Variants in WSCD2 observed in about 807,000 individuals in gnomAD.
WSCD2 encodes sialate:O-sulfotransferase 2.
WSCD2 carries 28 observed loss-of-function variants against 55.7 expected under a neutral mutation model. That is an observed-to-expected ratio of 0.50 (90% CI 0.37 to 0.69). WSCD2 has a LOEUF of 0.69. WSCD2 is among the 30% of genes least tolerant of loss of function. The probability of loss-of-function intolerance (pLI) is 0.00; values close to 1 mark genes in which losing one functional copy is unlikely to be tolerated. For missense variants in WSCD2, 616 were observed against 762.1 expected, an observed-to-expected ratio of 0.81 and a Z score of 2.26; for synonymous variants, 301 against 301.9, an observed-to-expected ratio of 1.00 and a Z score of 0.03.
chr12:108,172,243 G>T (rs1450865172), intron 1 of WSCD2, among the ~76,000 whole-genome samples: 1 of 152,202 alleles, frequency 6.6e-6, no homozygotes, highest in East Asian at 1.9e-4. Flanking sequence ...ACTAGGTCCT[G>T]CCAGGGTCTG....
chr12:108,220,730 G>T (rs562618685), intron 4 of WSCD2, among the ~76,000 whole-genome samples: 1 of 152,116 alleles, frequency 6.6e-6, no homozygotes, highest in Non-Finnish European at 1.5e-5. Context: ...TAGAGATAGG[G>T]TCTTGCTGTG....
chr12:108,178,841 A>G (rs1202579344), intron 1 of WSCD2, among the ~76,000 whole-genome samples: 1 of 152,194 alleles, frequency 6.6e-6, no homozygotes, highest in South Asian at 2.1e-4. Context: ...TAATTTGGGG[A>G]GACATAATTC....
At chr12:108,172,214 C>T (rs1433985133) in intron 1 of WSCD2, among the ~76,000 whole-genome samples, 1 of 152,172 alleles carries the variant, frequency 6.6e-6, no homozygotes, top group East Asian at 1.9e-4. Flanking sequence ...TTCAAGGTCA[C>T]ACAGCAAGTA....
chr12:108,149,086 G>C (rs1269628490), intron 1 of WSCD2, among the ~76,000 whole-genome samples: 1 of 152,158 alleles, frequency 6.6e-6, no homozygotes, highest in African/African-American at 2.4e-5. Context: ...ATTATGGAAG[G>C]CTTCACTTTA....
At chr12:108,150,779 G>C (rs1877913930) in intron 1 of WSCD2, among the ~76,000 whole-genome samples, 1 of 152,184 alleles carries the variant, frequency 6.6e-6, no homozygotes, top group African/African-American at 2.4e-5. Context: ...CAGGTGCCAA[G>C]CCCAGTGGGG....
chr12:108,248,539 T>G lies in WSCD2; in HGVS notation c.*196T>G, dbSNP rs572234588. 1.8e-4 allele frequency: 257 copies of G among 1,401,438 alleles called. No homozygotes were observed. In the African/African-American group the frequency reaches 3.2e-3, roughly 18 times the overall value. 86.8% of individuals were successfully genotyped at this position (1,401,438 alleles called of 1,614,324 possible). A position where few individuals can be genotyped will look rare whatever the true frequency, so the allele number is the denominator to read the frequency against. Reference sequence around the variant, plus strand: ...AGAGATTGCCCAGGCACTACCACTCTGCTCACATGTTCCCCCCTTGGCAAT... The same window carrying G: ...AGAGATTGCCCAGGCACTACCACTCGGCTCACATGTTCCCCCCTTGGCAAT... On this transcript the variant is annotated 3_prime_UTR_variant, in exon 9 of 9. Coordinates refer to ENST00000547525, the MANE Select transcript of WSCD2 (RefSeq NM_014653.4). This position sits in a 1 kb window ranked among gnomAD's most constrained non-coding sequence, Gnocchi z 4.3.
At chr12:108,244,014 G>T (rs1443531841) in intron 8 of WSCD2, among the ~76,000 whole-genome samples, 1 of 152,150 alleles carries the variant, frequency 6.6e-6, no homozygotes, top group Non-Finnish European at 1.5e-5. Context: ...GAATTGTCCT[G>T]GATCTGTTTA....
At chr12:108,215,555 C>A (rs572135140) in intron 4 of WSCD2, among the ~76,000 whole-genome samples, 1 of 152,276 alleles carries the variant, frequency 6.6e-6, no homozygotes, top group South Asian at 2.1e-4. Context: ...TTGGTAATGT[C>A]TAAAAATAGC....
chr12:108,150,645 G>A (rs1210222201), intron 1 of WSCD2, among the ~76,000 whole-genome samples: 1 of 152,134 alleles, frequency 6.6e-6, no homozygotes, highest in Non-Finnish European at 1.5e-5. Context: ...CAGGAGAGAG[G>A]CAGGCAGGAC....
At position 108,185,062 on chromosome 12, in the gene WSCD2, T is replaced by G. The variant is rs527543373; in HGVS notation, c.-551-10220T>G. 5.0e-4 allele frequency among the ~76,000 whole-genome samples: 76 copies of G among 152,272 alleles called. 1 individual carries two copies. The highest frequency in any genetic ancestry group is 1.5e-3 in the African/African-American group (63 of 41,560). ...TGAAAATTAAGGGTCAGCAAATACT[T>G]TCTGTAAAAGGCTAGAAGGTAAATA... On this transcript the variant is annotated intron_variant, in intron 1 of 8. Transcript: ENST00000547525.
At position 108,248,174 on chromosome 12, in the gene WSCD2, T is replaced by C. The variant is rs753254535; in HGVS notation, c.1529T>C (p.Val510Ala). The C allele has an allele frequency of 1.2e-6, 2 of 1,614,190 alleles. No homozygotes were observed. Among genetic ancestry groups the C allele is most frequent in the Admixed American group, 1.7e-5 (1 of 60,024 alleles). The change falls in exon 9 of 9, where the codon GTG becomes GCG. Residue 510 changes from valine (V) to alanine (A), a missense_variant. Val to Ala is a moderately conservative substitution (Grantham distance 64). Around this residue, in one of 3 missense-constraint regions of WSCD2, gnomAD observed 234 missense variants for 264.6 expected, o/e 0.88. Transcript: ENST00000547525. This position sits in a 1 kb window ranked among gnomAD's most constrained non-coding sequence, Gnocchi z 4.3. The part of the protein sequence containing the change: ...VAVREDRLLC[V>A]ESQKDGNFKR... ...GTCAGGGAGGACCGGCTGCTCTGTG[T>C]GGAGAGCCAGAAGGATGGCAACTTC...
intron 1 of WSCD2, among the ~76,000 whole-genome samples, chr12:108,193,676 C>A (rs973297311): frequency 1.3e-5 from 2 of 151,392 alleles, no homozygotes; most frequent in African/African-American, 4.9e-5. Flanking sequence ...TGCTGGATGA[C>A]AGACAGATGA....
At chr12:108,176,729 T>C (rs1338207111) in intron 1 of WSCD2, among the ~76,000 whole-genome samples, 1 of 152,246 alleles carries the variant, frequency 6.6e-6, no homozygotes, top group African/African-American at 2.4e-5. Context: ...GTATACCTTT[T>C]CACATTCCTA....
Position 108,248,019 on chromosome 12 carries a change from C to T in WSCD2, c.1374C>T (p.Ala458=). The T allele has an allele frequency of 6.2e-7, 1 of 1,613,978 alleles. No individual in the cohort carries two copies. Among genetic ancestry groups the T allele is most frequent in the South Asian group, 1.1e-5 (1 of 91,056 alleles). Residue 458 remains alanine (A), a synonymous_variant, in exon 9 of 9, where the codon GCC becomes GCT. Transcript: ENST00000547525. This position sits in a 1 kb window ranked among gnomAD's most constrained non-coding sequence, Gnocchi z 4.3. ...KEWPEFVRNY[A]PWWATHTLDW... is the part of the protein sequence containing the mutation. ...GGCCAGAGTTCGTGAGGAACTATGC[C>T]CCGTGGTGGGCCACTCACACACTGG...
rs1890270248 is a variant in WSCD2 at position 108,248,877 on chromosome 12, G to T, written c.*534G>T. ...TGTTCTAAAGAAAGATTGCTGGGAA[G>T]TTTCTCCGTGGCCTTAGGTTTCTGA... is the stretch of plus-strand genomic sequence containing the variant. On this transcript the variant is annotated 3_prime_UTR_variant, in exon 9 of 9. Transcript: ENST00000547525. This position sits in a 1 kb window ranked among gnomAD's most constrained non-coding sequence, Gnocchi z 4.3. 1.0e-6 allele frequency: 1 copy of T among 988,528 alleles called. No individual in the cohort carries two copies. The highest frequency in any genetic ancestry group is 1.2e-6 in the Non-Finnish European group (1 of 831,674). The allele number at this position is 988,528 out of a possible 1,614,324, so 61.2% of individuals were successfully genotyped here.
At position 108,248,024 on chromosome 12, in the gene WSCD2, G is replaced by C. The variant is rs966816289; in HGVS notation, c.1379G>C (p.Trp460Ser). Reference protein sequence around the residue: ...WPEFVRNYAPWWATHTLDWLK... With the variant: ...WPEFVRNYAPSWATHTLDWLK... ...GAGTTCGTGAGGAACTATGCCCCGT[G>C]GTGGGCCACTCACACACTGGACTGG... is the stretch of plus-strand genomic sequence containing the variant. Residue 460 changes from tryptophan to serine, a missense_variant, in exon 9 of 9, where the codon TGG becomes TCG. This residue lies in a region of WSCD2 where 234 missense variants were observed against 264.6 expected (regional missense o/e 0.88). Coordinates refer to ENST00000547525, the MANE Select transcript of WSCD2 (RefSeq NM_014653.4). The surrounding 1 kb of genome is among the most constrained non-coding windows in gnomAD (Gnocchi z 4.3). 6.2e-6 allele frequency: 10 copies of C among 1,613,988 alleles called. No individual in the cohort carries two copies. The highest frequency in any genetic ancestry group is 1.3e-5 in the African/African-American group (1 of 74,948).
chr12:108,245,951 T>A lies in WSCD2; in HGVS notation c.1346-2040T>A, dbSNP rs79601301. ...AGGAGTCTTGCCACAGATTCTGATG[T>A]GTTCTGCAAAGAAAGGGAGGCCTTC... On this transcript the variant is annotated intron_variant, in intron 8 of 8. Transcript: ENST00000547525. Among the ~76,000 whole-genome samples the A allele has an allele frequency of 5.5e-3, 837 of 152,358 alleles. 8 individuals are homozygous for A. The highest frequency in any genetic ancestry group is 0.019 in the African/African-American group (775 of 41,578).
intron 1 of WSCD2, among the ~76,000 whole-genome samples, chr12:108,151,225 G>A (rs1432686529): frequency 6.6e-6 from 1 of 152,094 alleles, no homozygotes; most frequent in Non-Finnish European, 1.5e-5. Context: ...TTCTTTCTGC[G>A]GGTGTTGGGG....
At chr12:108,155,300 G>A (rs759892820) in intron 1 of WSCD2, among the ~76,000 whole-genome samples, 8 of 152,156 alleles carry the variant, frequency 5.3e-5, no homozygotes, top group African/African-American at 9.7e-5. Context: ...TGTGGCCCCC[G>A]TACCCTAGGA....
Sources: allele counts gnomAD v4.1 joint callset (sites outside exome capture counted in the v4.1 genomes callset), GRCh38; gene constraint gnomAD v4.1.1; regional missense constraint gnomAD v4.1.1; non-coding constraint Gnocchi (gnomAD v3.1); transcripts MANE v1.5; gene names NCBI Gene and HGNC (gene_info 2026-07-23, HGNC 2026-07-21).